The following MAD1L1 variants were observed in gnomAD, a reference collection of about 807,000 sequenced individuals.
MAD1L1 encodes mitotic arrest deficient 1 like 1.
Under a neutral mutation model 96.9 loss-of-function variants are expected in MAD1L1, and 95 were observed. The ratio of observed to expected loss-of-function variants is 0.98; its 90% confidence interval spans 0.83 to 1.16. The LOEUF (loss-of-function observed/expected upper bound fraction) is 1.16, where lower values mean the gene tolerates loss of function less well. MAD1L1 is among the 50% of genes most tolerant of loss of function. The probability of loss-of-function intolerance (pLI) is 0.00; values close to 1 mark genes in which losing one functional copy is unlikely to be tolerated. For missense variants in MAD1L1, 1,007 were observed against 954.4 expected (o/e 1.06, Z -0.73); for synonymous variants, 473 against 396.6 (o/e 1.19, Z -2.29).
At chr7:1,816,301 C>T in intron 18 of MAD1L1, 73 bp from the exon 19 acceptor site, 1 of 1,469,302 alleles carries the variant, frequency 6.8e-7, no homozygotes, top group Non-Finnish European at 9.3e-7. Flanking sequence ...TCCCTCCCTA[C>T]ACAGCCCCTC....
chr7:2,163,697 C>G (rs1279540075), intron 10 of MAD1L1, among the ~76,000 whole-genome samples: 1 of 152,144 alleles, frequency 6.6e-6, no homozygotes, highest in Non-Finnish European at 1.5e-5. Flanking sequence ...GCATTTTAAA[C>G]TTGGTCATGA....
chr7:2,033,037 TGAG>T (rs1397671792), intron 12 of MAD1L1, among the ~76,000 whole-genome samples: 1 of 152,256 alleles, frequency 6.6e-6, no homozygotes, highest in Non-Finnish European at 1.5e-5. Flanking sequence ...CAGCGTGGGC[TGAG>T]GACACCCAGC....
At chr7:1,858,693 C>T (rs961606741) in intron 18 of MAD1L1, among the ~76,000 whole-genome samples, 19 of 152,162 alleles carry the variant, frequency 1.2e-4, no homozygotes, top group Admixed American at 6.5e-4. Flanking sequence ...CACATGGTGG[C>T]GAGGACGCAT....
intron 11 of MAD1L1, among the ~76,000 whole-genome samples, chr7:2,141,646 A>G (rs761935332): frequency 6.6e-6 from 1 of 151,960 alleles, no homozygotes; most frequent in Non-Finnish European, 1.5e-5. Context: ...TCTCCCTCTA[A>G]TTGGCCACAA....
chr7:2,026,614 GATA>G (rs1783005814), intron 12 of MAD1L1, among the ~76,000 whole-genome samples: 1 of 152,174 alleles, frequency 6.6e-6, no homozygotes, highest in South Asian at 2.1e-4. Context: ...AGCACAGGGA[GATA>G]ATGCTAGAAA....
At chr7:1,852,919 C>T (rs530998606) in intron 18 of MAD1L1, among the ~76,000 whole-genome samples, 1 of 152,290 alleles carries the variant, frequency 6.6e-6, no homozygotes, top group South Asian at 2.1e-4. Flanking sequence ...GAGCCCATGT[C>T]TGCATCATTT....
At chr7:2,051,307 C>T (rs912190603) in intron 12 of MAD1L1, among the ~76,000 whole-genome samples, 28 of 152,218 alleles carry the variant, frequency 1.8e-4, no homozygotes, top group Non-Finnish European at 3.2e-4. Context: ...TGGTATAAAC[C>T]TCCAAAGCTG....
chr7:1,920,235 TGTGCGTGC>T lies in MAD1L1; in HGVS notation c.1807+16444_1807+16451del, dbSNP rs566408336. Among the ~76,000 whole-genome samples, 532 of 152,316 alleles carry T rather than the reference TGTGCGTGC, an allele frequency of 3.5e-3. 1 individual carries two copies. Among genetic ancestry groups the T allele is most frequent in the African/African-American group, 0.01 (430 of 41,556 alleles). On this transcript the variant is annotated intron_variant, in intron 17 of 18. Coordinates refer to ENST00000265854, the MANE Select transcript of MAD1L1 (RefSeq NM_001013836.2). ...CAACTCCCTGTAACAAGCATCTCCG[TGTGCGTGC>T]GTGCGTGCGTGTGCATGTGCGTGTG... is the stretch of plus-strand genomic sequence containing the variant.
chr7:2,099,301 G>A (rs751012679), intron 11 of MAD1L1, among the ~76,000 whole-genome samples: 2 of 152,236 alleles, frequency 1.3e-5, no homozygotes, highest in African/African-American at 2.4e-5. Flanking sequence ...CCACTGTGGA[G>A]GGTGCAGGTC....
At chr7:1,927,861 G>C (rs1465953905) in intron 17 of MAD1L1, among the ~76,000 whole-genome samples, 2 of 152,168 alleles carry the variant, frequency 1.3e-5, no homozygotes, top group African/African-American at 4.8e-5. Context: ...GGAACACAGG[G>C]TCAGAAAATG....
chr7:2,194,062 G>C (rs577771281), intron 10 of MAD1L1, among the ~76,000 whole-genome samples: 21 of 145,814 alleles, frequency 1.4e-4, no homozygotes, highest in Non-Finnish European at 2.8e-4. Context: ...TCCTGACTTG[G>C]CCTCTCGAGT....
At chr7:1,924,064 G>A (rs908663096) in intron 17 of MAD1L1, among the ~76,000 whole-genome samples, 10 of 152,184 alleles carry the variant, frequency 6.6e-5, no homozygotes, top group African/African-American at 1.2e-4. Context: ...GAAAAGAACC[G>A]GGAAAACAGA....
chr7:2,221,147 T>C, intron 5 of MAD1L1: 1 of 852,140 alleles, frequency 1.2e-6, no homozygotes, highest in African/African-American at 1.7e-5. Context: ...TTCCCCTCAC[T>C]ATGCCCCACC....
At chr7:2,115,259 A>G (rs1414981847) in intron 11 of MAD1L1, among the ~76,000 whole-genome samples, 1,095 of 90,790 alleles carry the variant, frequency 0.012, no homozygotes, top group Middle Eastern at 0.094. Flanking sequence ...CACGTGTTCC[A>G]GGGTCAGAGG....
intron 18 of MAD1L1, chr7:1,847,029 A>G (rs1760579195): frequency 2.9e-6 from 1 of 340,738 alleles, no homozygotes; most frequent in Non-Finnish European, 5.8e-6. Flanking sequence ...ATTTCAAAAC[A>G]TGTTCTGCAG....
intron 11 of MAD1L1, among the ~76,000 whole-genome samples, chr7:2,120,113 C>T: frequency 6.6e-6 from 1 of 152,208 alleles, no homozygotes; most frequent in East Asian, 1.9e-4. Flanking sequence ...CAGTCCCACG[C>T]CCCACACTGG....
intron 18 of MAD1L1, among the ~76,000 whole-genome samples, chr7:1,885,071 G>A (rs146621240): frequency 1.2e-3 from 182 of 152,350 alleles, no homozygotes; most frequent in African/African-American, 3.9e-3. Context: ...TAAGTACTTA[G>A]TCATCACCAC....
At chr7:2,044,031 C>T (rs924921784) in intron 12 of MAD1L1, among the ~76,000 whole-genome samples, 1 of 152,180 alleles carries the variant, frequency 6.6e-6, no homozygotes, top group African/African-American at 2.4e-5. Flanking sequence ...GCAACCACAG[C>T]AAAGGCCTGA....
At chr7:2,232,789 C>G (rs1388662418) in intron 1 of MAD1L1, 83 bp downstream of exon 1, 3 of 152,142 alleles carry the variant, frequency 2.0e-5, no homozygotes, top group Admixed American at 6.5e-5. Context: ...CACACCCGGT[C>G]CGGGCCCTCG....
Sources: allele counts gnomAD v4.1 joint callset (sites outside exome capture counted in the v4.1 genomes callset), GRCh38; gene constraint gnomAD v4.1.1; transcripts MANE v1.5; gene names NCBI Gene and HGNC (gene_info 2026-07-23, HGNC 2026-07-21).